The following TTC22 variants were observed in gnomAD, a reference collection of about 807,000 sequenced individuals.
The protein encoded by TTC22 is tetratricopeptide repeat protein 22.
In TTC22, 42 loss-of-function variants were observed where a neutral mutation model predicts 48.2. That is an observed-to-expected ratio of 0.87 (90% CI 0.68 to 1.13). The LOEUF is 1.13. TTC22 is among the 50% of genes most tolerant of loss of function. The probability of loss-of-function intolerance (pLI) is 0.00; values close to 1 mark genes in which losing one functional copy is unlikely to be tolerated. For missense variants in TTC22, 784 were observed against 807.0 expected (o/e 0.97, Z 0.34); for synonymous variants, 345 against 365.5 (o/e 0.94, Z 0.64).
chr1:54,789,740 A>G (rs1646335835), intron 1 of TTC22, among the ~76,000 whole-genome samples: 2 of 152,244 alleles, frequency 1.3e-5, no homozygotes, highest in South Asian at 4.1e-4. Context: ...TAGAAGGAAC[A>G]TGGGGGCAAT....
Position 54,781,644 on chromosome 1 carries a change from G to A in TTC22, c.1309C>T (p.Leu437=). The A allele has an allele frequency of 6.5e-7, 1 of 1,530,658 alleles. No individual in the cohort carries two copies. The allele number at this position is 1,530,658 out of a possible 1,614,324, so 94.8% of individuals were successfully genotyped here. ...LGATLPELQL[L]RGKCLRIKGE... ...TTGATGCGCAGGCACTTGCCGCGCA[G>A]CAGCTGCAGCTCGGGCAGCGTGGCA... Residue 437 remains leucine, a synonymous_variant, in exon 7 of 7, where the codon CTG becomes TTG. Transcript: ENST00000371276.
intron 1 of TTC22, 31 bp from the exon 2 acceptor site, chr1:54,788,128 A>G (rs753386701): frequency 6.2e-7 from 1 of 1,606,608 alleles, no homozygotes; most frequent in South Asian, 1.1e-5. Flanking sequence ...CCACACTGCC[A>G]TTACTGAGGT....
intron 1 of TTC22, 56 bp downstream of exon 1, chr1:54,800,541 A>T: frequency 7.4e-7 from 1 of 1,360,334 alleles, no homozygotes; most frequent in Non-Finnish European, 9.6e-7. Context: ...GACAGAAGGG[A>T]CCATGGGAGG....
chr1:54,791,271 C>G (rs1646349631), intron 1 of TTC22, among the ~76,000 whole-genome samples: 1 of 152,198 alleles, frequency 6.6e-6, no homozygotes, highest in South Asian at 2.1e-4. Context: ...GCCTTCCTTG[C>G]TCCTGGCAAG....
Position 54,801,007 on chromosome 1 carries a change from G to C in TTC22, c.157C>G (p.Leu53Val), listed in dbSNP as rs771674494. Residue 53 changes from leucine to valine, a missense_variant, in exon 1 of 7, where the codon CTG becomes GTG. By Grantham distance (32) the Leu-to-Val change is conservative. Coordinates refer to ENST00000371276, the MANE Select transcript of TTC22 (RefSeq NM_001114108.2). ...ARDLKLQREG[L>V]RQELQLAAAP... ...GCCGCCAGCTGGAGCTCCTGCCGCA[G>C]ACCCTCCCGCTGCAGCTTCAGGTCC... 1.2e-6 allele frequency: 2 copies of C among 1,609,616 alleles called. No homozygotes were observed.
intron 5 of TTC22, among the ~76,000 whole-genome samples, chr1:54,783,090 A>G (rs191456900): frequency 3.0e-4 from 46 of 151,924 alleles, no homozygotes; most frequent in African/African-American, 9.6e-4. Context: ...CATTTTCCCC[A>G]CACTTAGAGC....
Position 54,782,382 on chromosome 1 carries a change from G to T in TTC22, c.1116C>A (p.Asp372Glu). ...DRNHLACAKADLEEVVRVCPG... is the reference protein window; with the variant it reads ...DRNHLACAKAELEEVVRVCPG... ...GGCACACCCTGACCACTTCCTCAAG[G>T]TCAGCCTTGGCACAGGCCAGGTGGT... Residue 372 changes from aspartate to glutamate, a missense_variant, in exon 6 of 7, where the codon GAC becomes GAA. Physicochemically the swap from Asp to Glu is conservative, Grantham distance 45. Coordinates refer to ENST00000371276, the MANE Select transcript of TTC22 (RefSeq NM_001114108.2). 2 of 1,551,218 alleles carry T rather than the reference G, an allele frequency of 1.3e-6. No homozygotes were observed. The highest frequency in any genetic ancestry group is 1.7e-6 in the Non-Finnish European group (2 of 1,146,792).
intron 5 of TTC22, chr1:54,785,680 G>A (rs2101444897): frequency 2.4e-6 from 1 of 413,962 alleles, no homozygotes; most frequent in East Asian, 6.1e-5. Flanking sequence ...GGGTGTGGTG[G>A]TGTGCACCTG....
rs1646256305 is a variant in TTC22, at chr1:54,780,872, G to A, written c.*371C>T. The A allele has an allele frequency of 1.1e-5, 2 of 176,358 alleles. No homozygotes were observed. The allele number at this position is 176,358 out of a possible 1,614,324, so 10.9% of individuals were successfully genotyped here. ...AGTCCAAAGACAGGCACTCAGGCCT[G>A]AGGGATTGAGCGCCCGGACTAGAAA... On this transcript the variant is annotated 3_prime_UTR_variant, in exon 7 of 7. Coordinates refer to ENST00000371276, the MANE Select transcript of TTC22 (RefSeq NM_001114108.2).
intron 5 of TTC22, chr1:54,785,748 G>C: frequency 5.9e-6 from 3 of 511,998 alleles, no homozygotes; most frequent in South Asian, 2.1e-5. Context: ...AGGAGGTCTA[G>C]GCTGCAGTGA....
chr1:54,788,046 T>C lies in TTC22; in HGVS notation c.619A>G (p.Ile207Val), dbSNP rs746855148. 1 of 1,613,916 alleles carries C rather than the reference T, an allele frequency of 6.2e-7. No homozygotes were observed. The highest frequency in any genetic ancestry group is 1.1e-5 in the South Asian group (1 of 91,082). The change falls in exon 2 of 7, where the codon ATC becomes GTC. Residue 207 changes from isoleucine to valine, a missense_variant. By Grantham distance (29) the Ile-to-Val change is conservative. Coordinates refer to ENST00000371276, the MANE Select transcript of TTC22 (RefSeq NM_001114108.2). The part of the protein sequence containing the change: ...GWYFTMATLY[I>V]RLDGIFLELG... The stretch of plus-strand genomic sequence containing the variant: ...CCCACCACCCTCTTGCCTGACCTGA[T>C]GTAGAGTGTTGCCATGGTGAAATAC...
chr1:54,782,570 G>A (rs970020157), intron 5 of TTC22, 93 bp from the exon 6 acceptor site: 1 of 1,311,464 alleles, frequency 7.6e-7, no homozygotes, highest in African/African-American at 1.5e-5. Context: ...TTTTTCAACA[G>A]CAACCAGGGA....
chr1:54,799,293 C>T (rs115511114), intron 1 of TTC22, among the ~76,000 whole-genome samples: 65 of 152,304 alleles, frequency 4.3e-4, no homozygotes, highest in African/African-American at 1.2e-3. Flanking sequence ...CCACTGTGGC[C>T]GTGTTCCCAG....
At chr1:54,796,067 A>G (rs746385235) in intron 1 of TTC22, among the ~76,000 whole-genome samples, 10 of 152,266 alleles carry the variant, frequency 6.6e-5, no homozygotes, top group Admixed American at 4.6e-4. Context: ...TAATCGATGA[A>G]AAGCACTTGT....
At chr1:54,798,748 C>G (rs1646411048) in intron 1 of TTC22, among the ~76,000 whole-genome samples, 1 of 152,248 alleles carries the variant, frequency 6.6e-6, no homozygotes, top group South Asian at 2.1e-4. Flanking sequence ...TTAAAATGCT[C>G]AGTAAATGCC....
At chr1:54,783,810 G>A (rs1481170129) in intron 5 of TTC22, among the ~76,000 whole-genome samples, 1 of 152,090 alleles carries the variant, frequency 6.6e-6, no homozygotes, top group Non-Finnish European at 1.5e-5. Flanking sequence ...GGGCAACATA[G>A]GCAGAACCCT....
Position 54,781,449 on chromosome 1 carries a change from G to T in TTC22, c.1504C>A (p.Arg502Ser). 6.9e-7 allele frequency: 1 copy of T among 1,447,818 alleles called. No individual in the cohort carries two copies. Among genetic ancestry groups the T allele is most frequent in the African/African-American group, 1.5e-5 (1 of 66,974 alleles). The allele number at this position is 1,447,818 out of a possible 1,614,324, so 89.7% of individuals were successfully genotyped here. A position where few individuals can be genotyped will look rare whatever the true frequency, so the allele number is the denominator to read the frequency against. Residue 502 changes from arginine to serine, a missense_variant, in exon 7 of 7, where the codon CGC becomes AGC. By Grantham distance (110) the Arg-to-Ser change is moderately radical. Coordinates refer to ENST00000371276, the MANE Select transcript of TTC22 (RefSeq NM_001114108.2). ...ELGREVDAWL[R>S]RAQDKYPAAR... ...GCGGGGTACTTGTCCTGGGCGCGGC[G>T]CAGCCAGGCGTCCACCTCGCGGCCC... is the stretch of plus-strand genomic sequence containing the variant.
intron 5 of TTC22, chr1:54,785,450 G>A: frequency 2.7e-6 from 1 of 376,360 alleles, no homozygotes; most frequent in Non-Finnish European, 5.3e-6. Flanking sequence ...AGAGGCTGGG[G>A]GCTCACTGAC....
At chr1:54,785,065 C>T (rs1003146760) in intron 5 of TTC22, 3 of 191,522 alleles carry the variant, frequency 1.6e-5, no homozygotes, top group South Asian at 7.4e-5. Flanking sequence ...ATGTAATTCT[C>T]ATAACAACTC....
Sources: allele counts gnomAD v4.1 joint callset (sites outside exome capture counted in the v4.1 genomes callset), GRCh38; gene constraint gnomAD v4.1.1; transcripts MANE v1.5; gene names NCBI Gene and HGNC (gene_info 2026-07-23, HGNC 2026-07-21).